Variants in RANBP2 observed in about 807,000 individuals in gnomAD.
RANBP2 encodes E3 SUMO-protein ligase RanBP2.
In RANBP2, 57 loss-of-function variants were observed where a neutral mutation model predicts 303.6. That is an observed-to-expected ratio of 0.19 (90% CI 0.15 to 0.23). The LOEUF (loss-of-function observed/expected upper bound fraction) is 0.23. Among genes scored for constraint, RANBP2 ranks in the 10% least tolerant of loss-of-function variants. The pLI, the probability that RANBP2 is intolerant of heterozygous loss-of-function variation, is 1.00. For synonymous variants in RANBP2, 1,167 were observed against 1,301.5 expected, an observed-to-expected ratio of 0.90 and a Z score of 2.23; for missense variants, 3,138 against 3,780.8, an observed-to-expected ratio of 0.83 and a Z score of 4.46.
chr2:109,688,321 G>A, the RANBP2 span, among the ~76,000 whole-genome samples: 12 of 152,282 alleles, frequency 7.9e-5, no homozygotes, highest in East Asian at 2.3e-3. Context: ...TCGTTCCTCA[G>A]AGGACATCCT....
At chr2:109,611,985 A>C in the RANBP2 span, among the ~76,000 whole-genome samples, 1 of 152,194 alleles carries the variant, frequency 6.6e-6, no homozygotes, top group Admixed American at 6.5e-5. Flanking sequence ...CTGGGCATCT[A>C]TCCCAAAGAA....
At chr2:108,970,882 C>A in the RANBP2 span, among the ~76,000 whole-genome samples, 7 of 152,152 alleles carry the variant, frequency 4.6e-5, no homozygotes, top group Non-Finnish European at 2.9e-5. Context: ...CAGGACTGAA[C>A]AAATACAAGT....
the RANBP2 span, among the ~76,000 whole-genome samples, chr2:109,073,717 A>G: frequency 6.6e-6 from 1 of 150,498 alleles, no homozygotes; most frequent in South Asian, 2.1e-4. Context: ...AATGAAAAAC[A>G]GTGAAGATAC....
At chr2:109,191,067 T>A in the RANBP2 span, among the ~76,000 whole-genome samples, 40 of 152,160 alleles carry the variant, frequency 2.6e-4, 1 homozygote, top group African/African-American at 9.2e-4. Context: ...TAACCTCCTC[T>A]GTTGTATTCG....
chr2:109,157,356 A>G, the RANBP2 span, among the ~76,000 whole-genome samples: 6 of 152,242 alleles, frequency 3.9e-5, no homozygotes, highest in South Asian at 1.2e-3. Context: ...CAAATATTGC[A>G]TTCGCTTTAT....
At chr2:108,822,273 T>TA in the RANBP2 span, among the ~76,000 whole-genome samples, 3 of 152,182 alleles carry the variant, frequency 2.0e-5, no homozygotes, top group Non-Finnish European at 4.4e-5. Context: ...GAGAAATATT[T>TA]ATGCCCTGAA....
At chr2:108,819,278 C>G in the RANBP2 span, among the ~76,000 whole-genome samples, 1 of 152,142 alleles carries the variant, frequency 6.6e-6, no homozygotes, top group Non-Finnish European at 1.5e-5. Flanking sequence ...ATGTGTGTTC[C>G]CCTGCCGGTA....
the RANBP2 span, among the ~76,000 whole-genome samples, chr2:108,915,157 G>T: frequency 7.9e-5 from 12 of 152,194 alleles, no homozygotes; most frequent in African/African-American, 2.9e-4. Flanking sequence ...ACCTGCCTTG[G>T]CCTCCCAAAG....
chr2:109,075,219 GTTGTTTGT>G, the RANBP2 span, among the ~76,000 whole-genome samples: 4 of 149,602 alleles, frequency 2.7e-5, no homozygotes, highest in African/African-American at 7.3e-5. Flanking sequence ...AAAATCAGAG[GTTGTTTGT>G]TTGTTTGTTT....
chr2:109,480,254 G>A, the RANBP2 span, among the ~76,000 whole-genome samples: 5 of 152,190 alleles, frequency 3.3e-5, no homozygotes, highest in Admixed American at 6.5e-5. Flanking sequence ...CAGGCAAGGC[G>A]GCATCTCCCA....
the RANBP2 span, chr2:109,794,799 T>C: frequency 5.0e-6 from 1 of 201,708 alleles, no homozygotes; most frequent in Non-Finnish European, 5.9e-6. Context: ...CGGCGCTTCC[T>C]CTTAATCCCG....
chr2:109,567,787 C>G, the RANBP2 span: 1 of 1,524,548 alleles, frequency 6.6e-7, no homozygotes, highest in Non-Finnish European at 8.8e-7. Flanking sequence ...ACATGGAAAA[C>G]AGAATTAACA....
chr2:109,683,781 T>A, the RANBP2 span, among the ~76,000 whole-genome samples: 2 of 152,190 alleles, frequency 1.3e-5, no homozygotes, highest in Non-Finnish European at 2.9e-5. Flanking sequence ...AGGGCACTGT[T>A]GCTTGGGGGT....
the RANBP2 span, among the ~76,000 whole-genome samples, chr2:109,064,413 G>A: frequency 8.4e-5 from 10 of 119,482 alleles, no homozygotes; most frequent in African/African-American, 2.9e-4. Context: ...CTGAGATCAC[G>A]CCACTCCACT....
At chr2:109,298,006 G>C in the RANBP2 span, among the ~76,000 whole-genome samples, 2 of 152,306 alleles carry the variant, frequency 1.3e-5, no homozygotes, top group Admixed American at 6.5e-5. Flanking sequence ...GCCTCAGCTG[G>C]TGACAGCTGA....
the RANBP2 span, among the ~76,000 whole-genome samples, chr2:109,319,971 G>C: frequency 4.7e-4 from 72 of 152,340 alleles, no homozygotes; most frequent in African/African-American, 1.7e-3. Flanking sequence ...AGAGAAGTCA[G>C]AGTGGGTGAT....
chr2:109,494,191 T>A, the RANBP2 span, among the ~76,000 whole-genome samples: 1 of 152,216 alleles, frequency 6.6e-6, no homozygotes, highest in African/African-American at 2.4e-5. Flanking sequence ...ACCCTGTTTC[T>A]ATAAAGTCAT....
At chr2:109,094,828 C>T in the RANBP2 span, among the ~76,000 whole-genome samples, 2 of 152,068 alleles carry the variant, frequency 1.3e-5, no homozygotes, top group African/African-American at 4.8e-5. Context: ...AAGTCTCCAT[C>T]TCAAACAAAC....
chr2:109,196,619 C>A, the RANBP2 span, among the ~76,000 whole-genome samples: 1 of 152,290 alleles, frequency 6.6e-6, no homozygotes, highest in East Asian at 1.9e-4. Context: ...ACTCCGAGTG[C>A]TGCTGCGCTG....
Sources: allele counts gnomAD v4.1 joint callset (sites outside exome capture counted in the v4.1 genomes callset), GRCh38; gene constraint gnomAD v4.1.1; transcripts MANE v1.5; gene names NCBI Gene and HGNC (gene_info 2026-07-23, HGNC 2026-07-21).